Variants in SLC1A2 observed in about 807,000 individuals in gnomAD.
SLC1A2 encodes solute carrier family 1 member 2, also known as excitatory amino acid transporter 2.
In SLC1A2, 15 loss-of-function variants were observed where a neutral mutation model predicts 48.8. That is an observed-to-expected ratio of 0.31 (90% CI 0.21 to 0.47). The LOEUF is 0.47. Ranked by LOEUF, SLC1A2 falls within the 20% of genes least tolerant of loss-of-function variation. The pLI is 0.99. For missense variants in SLC1A2, 502 were observed against 730.5 expected, an observed-to-expected ratio of 0.69 and a Z score of 3.61; for synonymous variants, 279 against 272.6, an observed-to-expected ratio of 1.02 and a Z score of -0.23.
intron 9 of SLC1A2, among the ~76,000 whole-genome samples, chr11:35,274,398 T>C (rs182077133): frequency 4.1e-4 from 62 of 152,266 alleles, no homozygotes; most frequent in Admixed American, 1.4e-3. Context: ...GGGAGGTTGA[T>C]GTAGACCGGA....
chr11:35,406,827 TG>T (rs750900646), intron 1 of SLC1A2, among the ~76,000 whole-genome samples: 2 of 152,102 alleles, frequency 1.3e-5, no homozygotes, highest in African/African-American at 2.4e-5. Flanking sequence ...TCAGTTAGGT[TG>T]TAGGATATAT....
chr11:35,285,142 T>G (rs928307481), intron 8 of SLC1A2, among the ~76,000 whole-genome samples: 4 of 152,320 alleles, frequency 2.6e-5, no homozygotes, highest in African/African-American at 9.6e-5. Context: ...ATAAAAACAC[T>G]ATTCTAATGT....
At chr11:35,322,438 C>G (rs1379952322) in intron 1 of SLC1A2, 1 of 633,428 alleles carries the variant, frequency 1.6e-6, no homozygotes, top group Non-Finnish European at 2.8e-6. Flanking sequence ...TTAGCTGGCA[C>G]CAAACTCTTT....
At chr11:35,304,509 C>T (rs545927720) in intron 5 of SLC1A2, among the ~76,000 whole-genome samples, 2 of 152,250 alleles carry the variant, frequency 1.3e-5, no homozygotes, top group African/African-American at 4.8e-5. Context: ...ACTCTCCTTC[C>T]TACTCCTCGC....
At chr11:35,314,376 C>T (rs1445970408) in intron 3 of SLC1A2, among the ~76,000 whole-genome samples, 1 of 152,082 alleles carries the variant, frequency 6.6e-6, no homozygotes, top group African/African-American at 2.4e-5. Context: ...TTACCTTTAT[C>T]AGTATCTGAA....
At chr11:35,270,233 C>T (rs745467091) in intron 9 of SLC1A2, among the ~76,000 whole-genome samples, 13 of 152,132 alleles carry the variant, frequency 8.5e-5, no homozygotes, top group Non-Finnish European at 1.8e-4. Context: ...AACACTAACC[C>T]AGGGCTTCTG....
At chr11:35,305,401 G>C (rs1851472485) in intron 5 of SLC1A2, among the ~76,000 whole-genome samples, 1 of 152,132 alleles carries the variant, frequency 6.6e-6, no homozygotes, top group Non-Finnish European at 1.5e-5. Flanking sequence ...TTTTACAAAT[G>C]AGGCTCAGAG....
chr11:35,360,685 G>A (rs1853647651), intron 1 of SLC1A2, among the ~76,000 whole-genome samples: 1 of 152,066 alleles, frequency 6.6e-6, no homozygotes, highest in South Asian at 2.1e-4. Flanking sequence ...CCTGGATTTT[G>A]TGGAAGGACC....
intron 1 of SLC1A2, among the ~76,000 whole-genome samples, chr11:35,359,169 G>C (rs1853591381): frequency 6.6e-6 from 1 of 152,104 alleles, no homozygotes; most frequent in Non-Finnish European, 1.5e-5. Context: ...CACACAACAG[G>C]GAAATGGCAG....
chr11:35,338,054 C>T (rs370745144), intron 1 of SLC1A2, among the ~76,000 whole-genome samples: 76 of 152,266 alleles, frequency 5.0e-4, no homozygotes, highest in African/African-American at 1.5e-3. Context: ...ATATGTGGGA[C>T]AAGAAGATTG....
chr11:35,348,454 A>T (rs970349281), intron 1 of SLC1A2, among the ~76,000 whole-genome samples: 1 of 152,192 alleles, frequency 6.6e-6, no homozygotes, highest in African/African-American at 2.4e-5. Flanking sequence ...AATGAAGAAG[A>T]AATATTAAAT....
At chr11:35,286,550 G>A (rs1466576961) in intron 8 of SLC1A2, 1 of 430,534 alleles carries the variant, frequency 2.3e-6, no homozygotes, top group East Asian at 3.6e-5. Flanking sequence ...AAGTTGACAT[G>A]TGCAATACAA....
At position 35,392,031 on chromosome 11, in the gene SLC1A2, A is replaced by G. The variant is rs1292631360; in HGVS notation, c.17+26919T>C. On this transcript the variant is annotated intron_variant, in intron 1 of 10. Coordinates refer to ENST00000278379, the MANE Select transcript of SLC1A2 (RefSeq NM_004171.4). ...GGGCTATTTTTAAGTGAAAAAGCTA[A>G]TAACAAAATAGTTTGCAGAATGATA... Among the ~76,000 whole-genome samples the G allele has an allele frequency of 4.6e-5, 7 of 152,256 alleles. No homozygotes were observed. In the East Asian group the frequency reaches 1.3e-3, roughly 29 times the overall value.
intron 1 of SLC1A2, among the ~76,000 whole-genome samples, chr11:35,346,477 G>A (rs1365194453): frequency 6.6e-6 from 1 of 152,204 alleles, no homozygotes; most frequent in Admixed American, 6.5e-5. Flanking sequence ...GCATACCCAG[G>A]GGATTGAGGG....
intron 1 of SLC1A2, among the ~76,000 whole-genome samples, chr11:35,350,020 C>A (rs1275666675): frequency 6.6e-6 from 1 of 152,134 alleles, no homozygotes; most frequent in Admixed American, 6.5e-5. Flanking sequence ...TTCTTCATGT[C>A]TCTGAGCCTC....
rs1232782685 is a variant in SLC1A2 at position 35,252,389 on chromosome 11, AAGG to A, written c.*8502_*8504del. On this transcript the variant is annotated 3_prime_UTR_variant, in exon 11 of 11. Coordinates refer to ENST00000278379, the MANE Select transcript of SLC1A2 (RefSeq NM_004171.4). The stretch of plus-strand genomic sequence containing the variant: ...TCCTCTGAGCCCAATCCACCAAGCA[AAGG>A]AGGACTGTAGATGGATGTTCTCATT... The A allele has an allele frequency of 6.6e-6, 1 of 152,104 alleles. No individual in the cohort carries two copies. The highest frequency in any genetic ancestry group is 3.2e-3 in the Middle Eastern group (1 of 316). 9.4% of individuals were successfully genotyped at this position (152,104 alleles called of 1,614,324 possible). A position where few individuals can be genotyped will look rare whatever the true frequency, so the allele number is the denominator to read the frequency against.
At chr11:35,401,901 A>G (rs1238353209) in intron 1 of SLC1A2, among the ~76,000 whole-genome samples, 4 of 152,138 alleles carry the variant, frequency 2.6e-5, no homozygotes, top group African/African-American at 9.7e-5. Context: ...CGGGCCCTCT[A>G]TGATGCTCCT....
chr11:35,304,181 T>C (rs1851434936), intron 5 of SLC1A2, among the ~76,000 whole-genome samples: 2 of 152,110 alleles, frequency 1.3e-5, no homozygotes, highest in South Asian at 4.1e-4. Flanking sequence ...GTGAGTTGTG[T>C]TGAAACTCCC....
intron 1 of SLC1A2, among the ~76,000 whole-genome samples, chr11:35,401,488 A>C (rs1855138966): frequency 6.6e-6 from 1 of 152,170 alleles, no homozygotes; most frequent in South Asian, 2.1e-4. Context: ...TGAATTCCAA[A>C]GGAAGGAGGG....
Sources: gnomAD v4.1 joint callset for allele counts (sites outside exome capture counted in the v4.1 genomes callset) on GRCh38, gnomAD v4.1.1 for gene constraint, MANE v1.5 for transcripts, NCBI Gene and HGNC (gene_info 2026-07-23, HGNC 2026-07-21) for gene names.